MAP3K7: variants seen among roughly 807,000 people sequenced by gnomAD.
MAP3K7 encodes the protein TGF-beta activated kinase 1.
In MAP3K7, 21 loss-of-function variants were observed where a neutral mutation model predicts 84.8. The ratio of observed to expected loss-of-function variants is 0.25; its 90% CI spans 0.18 to 0.36. The LOEUF (loss-of-function observed/expected upper bound fraction) is 0.36, where lower values mean the gene tolerates loss of function less well. Among genes scored for constraint, MAP3K7 ranks in the 10% least tolerant of loss-of-function variants. MAP3K7 has a pLI of 1.00. For missense variants in MAP3K7, 503 were observed against 747.7 expected (o/e 0.67, Z 3.82); for synonymous variants, 241 against 247.7 (o/e 0.97, Z 0.25).
At chr6:90,575,094 C>A (rs1455985596) in intron 1 of MAP3K7, among the ~76,000 whole-genome samples, 1 of 152,072 alleles carries the variant, frequency 6.6e-6, no homozygotes, top group Non-Finnish European at 1.5e-5. Context: ...ACAGTCAATA[C>A]TTAAAGAATT....
chr6:90,547,907 T>C, intron 10 of MAP3K7, 140 bp downstream of exon 10: 2 of 638,816 alleles, frequency 3.1e-6, no homozygotes, highest in Non-Finnish European at 4.9e-6. Flanking sequence ...TACGTGTCTC[T>C]ATTTGTAAGC....
In MAP3K7 at chr6:90,586,993, C is replaced by T; in HGVS notation, c.-110G>A. 2 of 1,288,406 alleles carry T rather than the reference C, an allele frequency of 1.6e-6. No homozygotes were observed. Among genetic ancestry groups the T allele is most frequent in the Non-Finnish European group, 2.0e-6 (2 of 988,974 alleles). The allele number at this position is 1,288,406 out of a possible 1,614,324, so 79.8% of individuals were successfully genotyped here. A position where few individuals can be genotyped will look rare whatever the true frequency, so the allele number is the denominator to read the frequency against. ...ACCCTCAGCCTGGAGCCGCGCAGTC[C>T]TACTACCCGGCGATCCGTGGCGGGG... On this transcript the variant is annotated 5_prime_UTR_variant, in exon 1 of 17. Coordinates refer to ENST00000369329, the MANE Select transcript of MAP3K7 (RefSeq NM_145331.3).
intron 6 of MAP3K7, among the ~76,000 whole-genome samples, chr6:90,555,259 TTC>T (rs1776297384): frequency 1.3e-5 from 2 of 152,154 alleles, no homozygotes; most frequent in African/African-American, 4.8e-5. Context: ...ATTACTTGCA[TTC>T]TTTTTTTTTT....
rs1333668339 is a variant in MAP3K7 at position 90,514,809 on chromosome 6, A to T, written c.*1692T>A. Reference sequence around the variant, plus strand: ...TCTCTGCCAATTTTATTTTACTATTACTATGCTGAATCCAATATCTGTTTC... The same window carrying T: ...TCTCTGCCAATTTTATTTTACTATTTCTATGCTGAATCCAATATCTGTTTC... On this transcript the variant is annotated 3_prime_UTR_variant, in exon 17 of 17. Coordinates refer to ENST00000369329, the MANE Select transcript of MAP3K7 (RefSeq NM_145331.3). The T allele has an allele frequency of 6.6e-6, 1 of 151,992 alleles. No individual in the cohort carries two copies. The allele number at this position is 151,992 out of a possible 1,614,324, so 9.4% of individuals were successfully genotyped here. A position where few individuals can be genotyped will look rare whatever the true frequency, so the allele number is the denominator to read the frequency against.
intron 4 of MAP3K7, among the ~76,000 whole-genome samples, chr6:90,560,814 A>C (rs1258503075): frequency 6.6e-6 from 1 of 152,218 alleles, no homozygotes; most frequent in Non-Finnish European, 1.5e-5. Context: ...CAAACAGATA[A>C]AGACTTTTAT....
At chr6:90,535,833 G>T (rs1775652041) in intron 13 of MAP3K7, among the ~76,000 whole-genome samples, 1 of 152,120 alleles carries the variant, frequency 6.6e-6, no homozygotes, top group South Asian at 2.1e-4. Context: ...CATTTGCTTA[G>T]TAAATGTTAT....
chr6:90,575,967 G>T (rs954174240), intron 1 of MAP3K7, among the ~76,000 whole-genome samples: 1 of 152,046 alleles, frequency 6.6e-6, no homozygotes, highest in East Asian at 1.9e-4. Context: ...GTGAAGGGAG[G>T]GGAGGAGAAA....
intron 9 of MAP3K7, among the ~76,000 whole-genome samples, chr6:90,549,785 G>A (rs1776123847): frequency 6.6e-6 from 1 of 152,110 alleles, no homozygotes; most frequent in Non-Finnish European, 1.5e-5. Context: ...AACTAGCCAA[G>A]CAGTAACCAT....
intron 13 of MAP3K7, among the ~76,000 whole-genome samples, chr6:90,531,877 A>G (rs1775517710): frequency 6.6e-6 from 1 of 151,412 alleles, no homozygotes; most frequent in African/African-American, 2.4e-5. Flanking sequence ...AATCACTTGA[A>G]CTCAGGAGGC....
Position 90,586,829 on chromosome 6 carries a change from T to C in MAP3K7, c.55A>G (p.Ile19Val), listed in dbSNP as rs532622360. 1.9e-6 allele frequency: 3 copies of C among 1,610,810 alleles called. No individual in the cohort carries two copies. Among genetic ancestry groups the C allele is most frequent in the Middle Eastern group, 1.7e-4 (1 of 6,022 alleles). The change falls in exon 1 of 17, where the codon ATC becomes GTC. Residue 19 changes from isoleucine to valine, a missense_variant. Physicochemically the swap from Ile to Val is conservative, Grantham distance 29. Transcript: ENST00000369329. ...TTGAGGACCTGGGAAGGGGCTTCGA[T>C]CATCTCACCGGCCGAAGACGAGGAG... ...SSSSSSAGEM[I>V]EAPSQVLNFE...
At chr6:90,566,452 C>T (rs1306150080) in intron 3 of MAP3K7, among the ~76,000 whole-genome samples, 1 of 152,136 alleles carries the variant, frequency 6.6e-6, no homozygotes, top group Non-Finnish European at 1.5e-5. Context: ...TGAGTGAACT[C>T]CCATTCACAA....
rs990723893 is a variant in MAP3K7, at chr6:90,514,612, G to A, written c.*1889C>T. 2.6e-5 allele frequency: 4 copies of A among 151,650 alleles called. No homozygotes were observed. The highest frequency in any genetic ancestry group is 9.7e-5 in the African/African-American group (4 of 41,278). The allele number at this position is 151,650 out of a possible 1,614,324, so 9.4% of individuals were successfully genotyped here. On this transcript the variant is annotated 3_prime_UTR_variant, in exon 17 of 17. Transcript: ENST00000369329. ...GACTATAAATAAAATCTGAAATCTC[G>A]AATGCTAAATCCTAATGGAAACATC...
At chr6:90,553,348 G>A (rs1445120839) in intron 7 of MAP3K7, 110 bp downstream of exon 7, 7 of 1,101,550 alleles carry the variant, frequency 6.4e-6, no homozygotes, top group East Asian at 2.4e-5. Context: ...ACAAAGAATT[G>A]TACATTTTAA....
At position 90,516,198 on chromosome 6, in the gene MAP3K7, T is replaced by C; in HGVS notation, c.*303A>G. ...AGCTAGTTTGATACCTCCTGTTCTG[T>C]TAGGCTAGCCTTCACACAATGAGCA... On this transcript the variant is annotated 3_prime_UTR_variant, in exon 17 of 17. Transcript: ENST00000369329. The C allele has an allele frequency of 2.6e-6, 1 of 389,196 alleles. No homozygotes were observed. The highest frequency in any genetic ancestry group is 4.6e-6 in the Non-Finnish European group (1 of 215,916). 24.1% of individuals were successfully genotyped at this position (389,196 alleles called of 1,614,324 possible). A position where few individuals can be genotyped will look rare whatever the true frequency, so the allele number is the denominator to read the frequency against.
At position 90,587,013 on chromosome 6, in the gene MAP3K7, G is replaced by A; in HGVS notation, c.-130C>T. The A allele has an allele frequency of 8.5e-7, 1 of 1,169,726 alleles. No individual in the cohort carries two copies. 72.5% of individuals were successfully genotyped at this position (1,169,726 alleles called of 1,614,324 possible). On this transcript the variant is annotated 5_prime_UTR_variant, in exon 1 of 17. Coordinates refer to ENST00000369329, the MANE Select transcript of MAP3K7 (RefSeq NM_145331.3). ...CAGTCCTACTACCCGGCGATCCGTG[G>A]CGGGGGTAGAGGCAGCGGCCACAGC... is the stretch of plus-strand genomic sequence containing the variant.
At chr6:90,584,730 T>C (rs1338449195) in intron 1 of MAP3K7, among the ~76,000 whole-genome samples, 1 of 152,210 alleles carries the variant, frequency 6.6e-6, no homozygotes, top group East Asian at 1.9e-4. Context: ...TGAAAGCATT[T>C]AGTAGACCAT....
chr6:90,578,828 G>A, intron 1 of MAP3K7, among the ~76,000 whole-genome samples: 1 of 152,004 alleles, frequency 6.6e-6, no homozygotes, highest in East Asian at 1.9e-4. Context: ...CTTTCTTCAA[G>A]AAATAACATT....
intron 13 of MAP3K7, among the ~76,000 whole-genome samples, chr6:90,529,942 T>C (rs1246804279): frequency 3.3e-5 from 5 of 152,208 alleles, no homozygotes; most frequent in Non-Finnish European, 7.4e-5. Flanking sequence ...AGATTGGTGC[T>C]TAAGCTTATT....
At chr6:90,551,238 G>C (rs1415407921) in intron 8 of MAP3K7, 2 of 152,056 alleles carry the variant, frequency 1.3e-5, no homozygotes, top group East Asian at 3.9e-4. Flanking sequence ...GCTGCTTTGC[G>C]TAAGAAATTT....
Sources: gnomAD v4.1 joint callset for allele counts (sites outside exome capture counted in the v4.1 genomes callset) on GRCh38, gnomAD v4.1.1 for gene constraint, MANE v1.5 for transcripts, NCBI Gene and HGNC (gene_info 2026-07-23, HGNC 2026-07-21) for gene names.